Variants in NAV1 observed in about 807,000 individuals in gnomAD.
The protein encoded by NAV1 is neuron navigator 1, also known as pore membrane and/or filament interacting like protein 3.
A neutral mutation model predicts 175.2 loss-of-function variants in NAV1; 18 were observed. The ratio of observed to expected loss-of-function variants is 0.10; its 90% confidence interval spans 0.07 to 0.15. NAV1 has a LOEUF of 0.15. NAV1 is among the 10% of genes least tolerant of loss of function. The pLI is 1.00. For synonymous variants in NAV1, 897 were observed against 978.7 expected, an observed-to-expected ratio of 0.92 and a Z score of 1.56; for missense variants, 1,731 against 2,436.6, an observed-to-expected ratio of 0.71 and a Z score of 6.10.
At chr1:201,611,491 GC>G (rs1667843779) in intron 2 of NAV1, among the ~76,000 whole-genome samples, 2 of 152,322 alleles carry the variant, frequency 1.3e-5, no homozygotes, top group South Asian at 4.1e-4. Context: ...AAACACTGCG[GC>G]CTTATGCGGA....
intron 1 of NAV1, among the ~76,000 whole-genome samples, chr1:201,582,064 C>T (rs1666884238): frequency 1.3e-5 from 2 of 152,186 alleles, no homozygotes; most frequent in African/African-American, 4.8e-5. Context: ...CCACTGCACT[C>T]CAGACTGGGT....
chr1:201,547,358 T>C (rs1252390593), intron 1 of NAV1, among the ~76,000 whole-genome samples: 2 of 152,208 alleles, frequency 1.3e-5, no homozygotes, highest in African/African-American at 2.4e-5. Context: ...TTAACAGAAT[T>C]GTTTAATATA....
At chr1:201,741,790 C>G (rs56115206) in intron 3 of NAV1, among the ~76,000 whole-genome samples, 37,275 of 152,086 alleles carry the variant, frequency 0.25, 5,179 homozygotes, top group Non-Finnish European at 0.32. Flanking sequence ...GATATTCTCC[C>G]CGCCTCCTTC....
rs1665455460 is a variant in NAV1, at chr1:201,539,918, C to G, written c.-144+576C>G. The stretch of plus-strand genomic sequence containing the variant: ...TCCCGCCAATCTCCCGGAGGCCGTC[C>G]TCTCTGGCGCCCGCCCAGTGCGTCT... On this transcript the variant is annotated intron_variant, in intron 1 of 33. Coordinates refer to the NAV1 transcript ENST00000685211. This position sits in a 1 kb window ranked among gnomAD's most constrained non-coding sequence, Gnocchi z 5.6. Among the ~76,000 whole-genome samples, 2 of 152,182 alleles carry G rather than the reference C, an allele frequency of 1.3e-5. No individual in the cohort carries two copies. The highest frequency in any genetic ancestry group is 4.8e-5 in the African/African-American group (2 of 41,470).
At chr1:201,790,452 T>G in intron 11 of NAV1, 102 bp from the exon 16 acceptor site, 1 of 1,341,180 alleles carries the variant, frequency 7.5e-7, no homozygotes, top group Non-Finnish European at 1.1e-6. Flanking sequence ...TGAGTCATGC[T>G]TCTTCACATT....
At chr1:201,821,450 C>T (rs888398958) in exon 30 of NAV1, 1 of 151,984 alleles carries the variant, frequency 6.6e-6, no homozygotes, top group East Asian at 2.0e-4. Flanking sequence ...CCTGTTCTTT[C>T]ATTTGACAAG....
chr1:201,809,411 C>T (rs775829787), intron 21 of NAV1, 31 bp from the exon 26 acceptor site: 7 of 1,610,752 alleles, frequency 4.3e-6, no homozygotes, highest in South Asian at 2.2e-5. Flanking sequence ...TGCAGTGAAG[C>T]TCAAGAGCTT....
At chr1:201,709,860 C>T (rs1013805956) in intron 1 of NAV1, among the ~76,000 whole-genome samples, 1 of 152,178 alleles carries the variant, frequency 6.6e-6, no homozygotes. Context: ...CTGTGATCTC[C>T]AGCTAGTCCC....
intron 1 of NAV1, among the ~76,000 whole-genome samples, chr1:201,657,667 G>T (rs1669458263): frequency 1.3e-5 from 2 of 152,166 alleles, no homozygotes; most frequent in African/African-American, 4.8e-5. Flanking sequence ...CTTTCTCCTG[G>T]CCCATCACTT....
Position 201,801,521 on chromosome 1 carries a change from G to C in NAV1, c.3518-2072G>C, listed in dbSNP as rs576797056. Among the ~76,000 whole-genome samples the C allele has an allele frequency of 5.9e-5, 9 of 152,056 alleles. No individual in the cohort carries two copies. The South Asian group carries it at 1.9e-3, about 32-fold the overall frequency. The stretch of plus-strand genomic sequence containing the variant: ...TTTAAATAGAGATGAGGGCCTCACT[G>C]TGTTGCCCAGGCTGGTCTCAAACTC... On this transcript the variant is annotated intron_variant, in intron 15 of 29. Coordinates refer to ENST00000367296, the Ensembl canonical transcript of NAV1.
intron 11 of NAV1, 129 bp from the exon 16 acceptor site, chr1:201,790,425 C>T (rs1558168964): frequency 2.0e-6 from 2 of 1,014,114 alleles, no homozygotes; most frequent in Non-Finnish European, 3.0e-6. Flanking sequence ...ACAAGAGTTT[C>T]AGCCTCTCTG....
chr1:201,688,124 C>G (rs1670753315), intron 1 of NAV1: 1 of 152,222 alleles, frequency 6.6e-6, no homozygotes, highest in Non-Finnish European at 1.5e-5. Flanking sequence ...GCAAGGTTGT[C>G]GGCTCTTCAT....
chr1:201,708,202 A>G (rs1328095531), intron 1 of NAV1, among the ~76,000 whole-genome samples: 2 of 152,184 alleles, frequency 1.3e-5, no homozygotes, highest in African/African-American at 4.8e-5. Flanking sequence ...TGCTGGGACT[A>G]TGCTGCTGTT....
chr1:201,746,014 G>T (rs1181018737), intron 3 of NAV1, among the ~76,000 whole-genome samples: 1 of 151,654 alleles, frequency 6.6e-6, no homozygotes, highest in Non-Finnish European at 1.5e-5. Flanking sequence ...TTTTTGTAGA[G>T]GCCGGGTTTT....
chr1:201,590,966 A>G (rs1667175122), intron 2 of NAV1, among the ~76,000 whole-genome samples: 1 of 151,992 alleles, frequency 6.6e-6, no homozygotes, highest in Non-Finnish European at 1.5e-5. Flanking sequence ...CTCTCATTTT[A>G]TCGTTCAGCA....
chr1:201,666,498 G>GA (rs1258907414), intron 1 of NAV1, among the ~76,000 whole-genome samples: 1 of 152,226 alleles, frequency 6.6e-6, no homozygotes, highest in Non-Finnish European at 1.5e-5. Flanking sequence ...GAGATCAGGA[G>GA]AAAATGATAG....
At chr1:201,714,768 C>G (rs561740088) in intron 2 of NAV1, among the ~76,000 whole-genome samples, 30 of 152,186 alleles carry the variant, frequency 2.0e-4, no homozygotes, top group Non-Finnish European at 3.8e-4. Context: ...CCAGAAAGTG[C>G]TTAGTTGCTG....
intron 1 of NAV1, among the ~76,000 whole-genome samples, chr1:201,711,738 T>G (rs941810652): frequency 6.6e-6 from 1 of 152,376 alleles, no homozygotes; most frequent in East Asian, 1.9e-4. Flanking sequence ...TTCATGACTT[T>G]AGGTTCCAAA....
intron 2 of NAV1, among the ~76,000 whole-genome samples, chr1:201,639,139 G>A (rs1254133335): frequency 2.0e-5 from 3 of 152,198 alleles, no homozygotes; most frequent in African/African-American, 7.2e-5. Flanking sequence ...CAAAGCAAAG[G>A]TGCAGGGGTG....
Sources: allele counts gnomAD v4.1 joint callset (sites outside exome capture counted in the v4.1 genomes callset), GRCh38; gene constraint gnomAD v4.1.1; non-coding constraint Gnocchi (gnomAD v3.1); transcripts MANE v1.5; gene names NCBI Gene and HGNC (gene_info 2026-07-23, HGNC 2026-07-21).